The following CALN1 variants were observed in gnomAD, a reference collection of about 807,000 sequenced individuals.
CALN1 encodes calneuron 1.
A neutral mutation model predicts 30.6 loss-of-function variants in CALN1; 17 were observed. That is an observed-to-expected ratio of 0.56 (90% CI 0.38 to 0.83). The LOEUF (loss-of-function observed/expected upper bound fraction) is 0.83, where lower values mean the gene tolerates loss of function less well. CALN1 is among the 40% of genes least tolerant of loss of function. The pLI, the probability that CALN1 is intolerant of heterozygous loss-of-function variation, is 0.00. For missense variants in CALN1, 291 were observed against 354.9 expected, an observed-to-expected ratio of 0.82 and a Z score of 1.45; for synonymous variants, 156 against 131.4, an observed-to-expected ratio of 1.19 and a Z score of -1.28.
At chr7:72,124,698 C>T (rs1808616777) in intron 3 of CALN1, among the ~76,000 whole-genome samples, 1 of 139,192 alleles carries the variant, frequency 7.2e-6, no homozygotes, top group African/African-American at 2.7e-5. Context: ...TCTTTGTAAA[C>T]AAGAATTGGA....
chr7:72,482,668 T>G, the CALN1 span, among the ~76,000 whole-genome samples: 2 of 152,212 alleles, frequency 1.3e-5, no homozygotes, highest in African/African-American at 4.8e-5. Context: ...TGTCATATAC[T>G]TCACTTTTCC....
At chr7:72,392,618 T>G (rs1319112150) in intron 2 of CALN1, among the ~76,000 whole-genome samples, 1 of 152,172 alleles carries the variant, frequency 6.6e-6, no homozygotes, top group East Asian at 1.9e-4. Context: ...ATTTAGGGCA[T>G]GAACTCTATT....
chr7:72,339,759 G>A (rs1170169375), intron 2 of CALN1, among the ~76,000 whole-genome samples: 1 of 152,176 alleles, frequency 6.6e-6, no homozygotes, highest in Non-Finnish European at 1.5e-5. Flanking sequence ...AAGCAAGAGA[G>A]CTTGTGCAGG....
intron 4 of CALN1, among the ~76,000 whole-genome samples, chr7:72,041,264 T>C (rs181036241): frequency 1.3e-4 from 20 of 152,210 alleles, no homozygotes; most frequent in African/African-American, 3.6e-4. Context: ...TAATGTTCAA[T>C]GCCACAGAGG....
chr7:72,380,118 G>C (rs752055832), intron 2 of CALN1, among the ~76,000 whole-genome samples: 2 of 152,146 alleles, frequency 1.3e-5, no homozygotes, highest in African/African-American at 2.4e-5. Flanking sequence ...AATTTGATGA[G>C]TTCTCCAACA....
intron 5 of CALN1, among the ~76,000 whole-genome samples, chr7:71,907,210 A>T (rs1321356585): frequency 1.3e-5 from 2 of 151,068 alleles, no homozygotes; most frequent in African/African-American, 2.5e-5. Flanking sequence ...TTGCTAAATC[A>T]ATTTACTTTT....
At chr7:72,058,589 GATTAC>G (rs1803435068) in intron 4 of CALN1, among the ~76,000 whole-genome samples, 1 of 152,064 alleles carries the variant, frequency 6.6e-6, no homozygotes, top group African/African-American at 2.4e-5. Flanking sequence ...AAAGTGCTGG[GATTAC>G]AGGCACAAGC....
chr7:72,205,087 T>C (rs1240827961), intron 3 of CALN1, among the ~76,000 whole-genome samples: 1 of 152,224 alleles, frequency 6.6e-6, no homozygotes, highest in Non-Finnish European at 1.5e-5. Flanking sequence ...TCAATTTCTA[T>C]TACTAAAAGT....
At chr7:72,418,384 C>T (rs573217285) in intron 1 of CALN1, among the ~76,000 whole-genome samples, 2 of 152,266 alleles carry the variant, frequency 1.3e-5, no homozygotes, top group Non-Finnish European at 2.9e-5. Context: ...GCACCTACGT[C>T]GATTCCATGT....
chr7:72,056,342 C>T (rs1165754082), intron 4 of CALN1, among the ~76,000 whole-genome samples: 2 of 151,788 alleles, frequency 1.3e-5, no homozygotes, highest in Admixed American at 1.3e-4. Flanking sequence ...TAAAAAAGTA[C>T]TGATGAAGGT....
chr7:72,473,682 C>T, the CALN1 span, among the ~76,000 whole-genome samples: 1 of 152,104 alleles, frequency 6.6e-6, no homozygotes, highest in Admixed American at 6.5e-5. Flanking sequence ...CCTGTAATCC[C>T]AGCACTTTGG....
chr7:71,935,652 G>C (rs1444054206), intron 5 of CALN1, among the ~76,000 whole-genome samples: 1 of 152,200 alleles, frequency 6.6e-6, no homozygotes, highest in African/African-American at 2.4e-5. Flanking sequence ...GAACCCGGGA[G>C]GAGAAGTTGC....
intron 5 of CALN1, among the ~76,000 whole-genome samples, chr7:71,935,325 G>A (rs1299230208): frequency 6.6e-6 from 1 of 152,152 alleles, no homozygotes; most frequent in African/African-American, 2.4e-5. Flanking sequence ...TTAAACAAGT[G>A]AAAGAAGGAA....
chr7:72,049,259 T>C (rs752905289), intron 4 of CALN1, among the ~76,000 whole-genome samples: 1 of 152,056 alleles, frequency 6.6e-6, no homozygotes, highest in East Asian at 1.9e-4. Context: ...GGTAAAATGA[T>C]GAGAGAAAGA....
At chr7:72,395,419 G>C (rs1411345531) in intron 2 of CALN1, among the ~76,000 whole-genome samples, 1 of 152,058 alleles carries the variant, frequency 6.6e-6, no homozygotes, top group Non-Finnish European at 1.5e-5. Context: ...GAAAAACTGA[G>C]ATAAATGAAG....
At chr7:71,971,651 G>A (rs898303238) in intron 5 of CALN1, among the ~76,000 whole-genome samples, 4 of 151,864 alleles carry the variant, frequency 2.6e-5, no homozygotes, top group South Asian at 2.1e-4. Context: ...TAATCTCACC[G>A]TTTTGAGAGG....
chr7:71,925,195 T>C (rs891883845), intron 5 of CALN1, among the ~76,000 whole-genome samples: 6 of 151,970 alleles, frequency 3.9e-5, no homozygotes, highest in African/African-American at 1.5e-4. Context: ...GAGCTGAGAT[T>C]GTGCCACTGT....
At chr7:71,902,506 T>C (rs1584479171) in intron 5 of CALN1, among the ~76,000 whole-genome samples, 1 of 152,214 alleles carries the variant, frequency 6.6e-6, no homozygotes, top group East Asian at 1.9e-4. Context: ...TAAAGCAACA[T>C]ACCTAAAGTC....
At chr7:72,386,908 T>C (rs73364941) in intron 2 of CALN1, among the ~76,000 whole-genome samples, 13,188 of 152,048 alleles carry the variant, frequency 0.087, 864 homozygotes, top group African/African-American at 0.18. Flanking sequence ...AGTATAGATA[T>C]GTGTACATAC....
Sources: gnomAD v4.1 joint callset for allele counts (sites outside exome capture counted in the v4.1 genomes callset) on GRCh38, gnomAD v4.1.1 for gene constraint, MANE v1.5 for transcripts, NCBI Gene and HGNC (gene_info 2026-07-23, HGNC 2026-07-21) for gene names.